Variants in BCAS3 observed in about 807,000 individuals in gnomAD.
The protein encoded by BCAS3 is BCAS3 microtubule associated cell migration factor, also known as BCAS4/BCAS3 fusion.
Under a neutral mutation model 116.1 loss-of-function variants are expected in BCAS3, and 53 were observed. The observed-to-expected ratio is 0.46, with a 90% CI of 0.37 to 0.57. The LOEUF (loss-of-function observed/expected upper bound fraction) is 0.57, where lower values mean the gene tolerates loss of function less well. BCAS3 is among the 20% of genes least tolerant of loss of function. The probability of loss-of-function intolerance (pLI) is 0.00; values close to 1 mark genes in which losing one functional copy is unlikely to be tolerated. For missense variants in BCAS3, 917 were observed against 1,165.4 expected (o/e 0.79, Z 3.10); for synonymous variants, 391 against 408.2 (o/e 0.96, Z 0.51).
rs867045500 is a variant in BCAS3, at chr17:61,352,458, G to A, written c.2426-15869G>A. ...CATTTCTTCCACAAGGAAGGGGTGA[G>A]AGGAGGCTCTACTGGCCTTTTTGAA... On this transcript the variant is annotated intron_variant, in intron 22 of 23. Transcript: ENST00000407086. The surrounding 1 kb of genome is among the most constrained non-coding windows in gnomAD (Gnocchi z 4.7). Among the ~76,000 whole-genome samples, 31 of 152,196 alleles carry A rather than the reference G, an allele frequency of 2.0e-4. No individual in the cohort carries two copies. Among genetic ancestry groups the A allele is most frequent in the African/African-American group, 7.0e-4 (29 of 41,450 alleles).
At chr17:61,310,089 A>G (rs1052078838) in intron 22 of BCAS3, among the ~76,000 whole-genome samples, 1 of 152,220 alleles carries the variant, frequency 6.6e-6, no homozygotes, top group African/African-American at 2.4e-5. Flanking sequence ...CTAATGAATC[A>G]GTGGGAGTTG....
At chr17:60,876,470 A>C (rs902345886) in intron 9 of BCAS3, among the ~76,000 whole-genome samples, 2 of 152,034 alleles carry the variant, frequency 1.3e-5, no homozygotes, top group Admixed American at 1.3e-4. Context: ...TAGCTTACAG[A>C]AACTTCTCCT....
intron 9 of BCAS3, among the ~76,000 whole-genome samples, chr17:60,882,064 A>C (rs1405831695): frequency 6.7e-6 from 1 of 148,242 alleles, no homozygotes; most frequent in African/African-American, 2.5e-5. Context: ...CCAACAGTGT[A>C]AAAGTGTTCC....
intron 19 of BCAS3, among the ~76,000 whole-genome samples, chr17:61,044,432 G>A (rs1439757595): frequency 1.6e-5 from 2 of 128,248 alleles, no homozygotes; most frequent in Admixed American, 7.5e-5. Context: ...GGGTGACAGA[G>A]CGTGACTCTG....
chr17:61,153,691 G>A (rs1049922265), intron 22 of BCAS3, among the ~76,000 whole-genome samples: 4 of 152,272 alleles, frequency 2.6e-5, no homozygotes, highest in South Asian at 4.1e-4. Flanking sequence ...ATTGTATGCC[G>A]TTAGAATCCT....
intron 10 of BCAS3, among the ~76,000 whole-genome samples, chr17:60,896,754 G>C (rs191775279): frequency 6.6e-6 from 1 of 151,816 alleles, no homozygotes; most frequent in Non-Finnish European, 1.5e-5. Flanking sequence ...GGAGCATATA[G>C]TTGGGTCATT....
intron 15 of BCAS3, among the ~76,000 whole-genome samples, chr17:61,000,064 A>G (rs1405581084): frequency 2.0e-5 from 3 of 152,178 alleles, no homozygotes; most frequent in Non-Finnish European, 4.4e-5. Context: ...ATAGAATCAT[A>G]TTGTTGGTAA....
rs956617689 is a variant in BCAS3 at position 61,124,876 on chromosome 17, T to C, written c.2425+40312T>C. 2.6e-5 allele frequency among the ~76,000 whole-genome samples: 4 copies of C among 152,154 alleles called. No individual in the cohort carries two copies. Among genetic ancestry groups the C allele is most frequent in the Non-Finnish European group, 5.9e-5 (4 of 68,032 alleles). On this transcript the variant is annotated intron_variant, in intron 22 of 23. Transcript: ENST00000407086. The surrounding 1 kb of genome is among the most constrained non-coding windows in gnomAD (Gnocchi z 4.6). ...AGAAATCCTTTGTTTATTCATTTAGTAGGCAGATTAACCCTAATGAATATT... is the reference window on the plus strand; with the variant it reads ...AGAAATCCTTTGTTTATTCATTTAGCAGGCAGATTAACCCTAATGAATATT...
intron 13 of BCAS3, among the ~76,000 whole-genome samples, chr17:60,940,089 TA>T (rs1436226822): frequency 6.6e-6 from 1 of 152,190 alleles, no homozygotes; most frequent in African/African-American, 2.4e-5. Context: ...TTCGAACTGC[TA>T]AAAATGCAGG....
At chr17:60,996,079 G>A (rs2063816000) in intron 15 of BCAS3, among the ~76,000 whole-genome samples, 1 of 152,148 alleles carries the variant, frequency 6.6e-6, no homozygotes, top group Non-Finnish European at 1.5e-5. Context: ...ATGGTGTAAG[G>A]TGTATAATAG....
intron 10 of BCAS3, 92 bp downstream of exon 10, chr17:60,889,863 A>G (rs1157683117): frequency 3.4e-6 from 4 of 1,169,268 alleles, no homozygotes; most frequent in Non-Finnish European, 5.0e-6. Flanking sequence ...GTTGATTACC[A>G]ATAATAAATG....
At chr17:60,903,707 A>G (rs1469362212) in intron 11 of BCAS3, among the ~76,000 whole-genome samples, 5 of 152,210 alleles carry the variant, frequency 3.3e-5, no homozygotes, top group African/African-American at 1.2e-4. Context: ...TGCTGGGGTT[A>G]CAGGTGTGCA....
rs966545223 is a variant in BCAS3, at chr17:61,156,783, A to C, written c.2425+72219A>C. On this transcript the variant is annotated intron_variant, in intron 22 of 23. Transcript: ENST00000407086. The surrounding 1 kb of genome is among the most constrained non-coding windows in gnomAD (Gnocchi z 4.7). The stretch of plus-strand genomic sequence containing the variant: ...AAAAAAATTCACATGCACACAAAAA[A>C]TCTGCAGTGTGGATATAAGTTAATG... Among the ~76,000 whole-genome samples, 10 of 152,210 alleles carry C rather than the reference A, an allele frequency of 6.6e-5. No homozygotes were observed. The highest frequency in any genetic ancestry group is 6.5e-4 in the Admixed American group (10 of 15,284).
At chr17:61,280,554 TTC>T (rs1357473704) in intron 22 of BCAS3, among the ~76,000 whole-genome samples, 1 of 152,240 alleles carries the variant, frequency 6.6e-6, no homozygotes, top group Non-Finnish European at 1.5e-5. Flanking sequence ...GAGTAATTTA[TTC>T]TCTGTGCTTC....
rs1368068103 is a variant in BCAS3, at chr17:61,083,629, T to C, written c.2328-838T>C. Among the ~76,000 whole-genome samples, 1 of 150,716 alleles carries C rather than the reference T, an allele frequency of 6.6e-6. No individual in the cohort carries two copies. The highest frequency in any genetic ancestry group is 6.6e-5 in the Admixed American group (1 of 15,088). ...TTTTTTTTTTGAGACGGAGTCTTGC[T>C]CTGTCACCCAGGCTGGAGTGCAGTG... On this transcript the variant is annotated intron_variant, in intron 21 of 23. Transcript: ENST00000407086. This position sits in a 1 kb window ranked among gnomAD's most constrained non-coding sequence, Gnocchi z 4.9.
In BCAS3 at chr17:61,037,225, C is replaced by T. The variant is rs905522892; in HGVS notation, c.1763-664C>T. Among the ~76,000 whole-genome samples, 3 of 152,146 alleles carry T rather than the reference C, an allele frequency of 2.0e-5. No individual in the cohort carries two copies. Among genetic ancestry groups the T allele is most frequent in the African/African-American group, 7.2e-5 (3 of 41,422 alleles). Reference sequence around the variant, plus strand: ...ACATGCAGGGTAACTAAATCCTAGTCCATACATTATTCCTTTTCAGTTAGT... The same window carrying T: ...ACATGCAGGGTAACTAAATCCTAGTTCATACATTATTCCTTTTCAGTTAGT... On this transcript the variant is annotated intron_variant, in intron 17 of 23. Transcript: ENST00000407086. This position sits in a 1 kb window ranked among gnomAD's most constrained non-coding sequence, Gnocchi z 4.7.
rs1602746677 is a variant in BCAS3 at position 61,332,064 on chromosome 17, A to C, written c.2426-36263A>C. Among the ~76,000 whole-genome samples, 1 of 151,736 alleles carries C rather than the reference A, an allele frequency of 6.6e-6. No homozygotes were observed. The highest frequency in any genetic ancestry group is 2.4e-5 in the African/African-American group (1 of 41,242). The stretch of plus-strand genomic sequence containing the variant: ...TGTCTGGTTTGGCATGTGGGTCTCG[A>C]CCTCCCATGAGCAGGGCGAGGCTGC... On this transcript the variant is annotated intron_variant, in intron 22 of 23. Coordinates refer to ENST00000407086, the MANE Select transcript of BCAS3 (RefSeq NM_017679.5). This position sits in a 1 kb window ranked among gnomAD's most constrained non-coding sequence, Gnocchi z 5.4.
chr17:61,370,474 C>T (rs988237861), intron 23 of BCAS3, among the ~76,000 whole-genome samples: 2 of 152,140 alleles, frequency 1.3e-5, no homozygotes, highest in African/African-American at 4.8e-5. Context: ...CTACAACCTC[C>T]ACCTCCCAGG....
intron 22 of BCAS3, among the ~76,000 whole-genome samples, chr17:61,330,642 GC>G (rs538778957): frequency 2.0e-4 from 30 of 152,254 alleles, no homozygotes; most frequent in African/African-American, 6.5e-4. Context: ...ACAGCCACAG[GC>G]CCCCAGGAGT....
Sources: allele counts gnomAD v4.1 joint callset (sites outside exome capture counted in the v4.1 genomes callset), GRCh38; gene constraint gnomAD v4.1.1; non-coding constraint Gnocchi (gnomAD v3.1); transcripts MANE v1.5; gene names NCBI Gene and HGNC (gene_info 2026-07-23, HGNC 2026-07-21).